Variants in TNR observed in about 807,000 individuals in gnomAD.
TNR encodes tenascin R, also known as tenascin-R.
A neutral mutation model predicts 150.4 loss-of-function variants in TNR; 45 were observed. That is an observed-to-expected ratio of 0.30 (90% CI 0.24 to 0.38). The LOEUF (loss-of-function observed/expected upper bound fraction) is 0.38. Ranked by LOEUF, TNR falls within the 10% of genes least tolerant of loss-of-function variation. The pLI is 1.00. For synonymous variants in TNR, 687 were observed against 678.4 expected (o/e 1.01, Z -0.20); for missense variants, 1,544 against 1,759.1 (o/e 0.88, Z 2.19).
chr1:175,644,223 C>T (rs1470925733), intron 1 of TNR, among the ~76,000 whole-genome samples: 1 of 152,204 alleles, frequency 6.6e-6, no homozygotes, highest in African/African-American at 2.4e-5. Context: ...GACACATTGT[C>T]CAACAGCACG....
intron 3 of TNR, among the ~76,000 whole-genome samples, chr1:175,404,832 T>C (rs1310301217): frequency 6.6e-6 from 1 of 152,256 alleles, no homozygotes; most frequent in Non-Finnish European, 1.5e-5. Flanking sequence ...CTGACCATTG[T>C]CATTGAAGCA....
intron 2 of TNR, among the ~76,000 whole-genome samples, chr1:175,497,769 A>T (rs1658548866): frequency 2.0e-5 from 3 of 152,086 alleles, no homozygotes; most frequent in Admixed American, 2.0e-4. Flanking sequence ...CTTATGTTAA[A>T]CACCTCCTGG....
chr1:175,538,944 T>C (rs1479214532), intron 1 of TNR: 1 of 152,264 alleles, frequency 6.6e-6, no homozygotes, highest in Non-Finnish European at 1.5e-5. Context: ...TGGTGGATTT[T>C]CAGGACAAGG....
At chr1:175,588,870 G>C (rs888828402) in intron 1 of TNR, among the ~76,000 whole-genome samples, 15 of 152,130 alleles carry the variant, frequency 9.9e-5, no homozygotes, top group Non-Finnish European at 1.8e-4. Context: ...CCTCTCCCAT[G>C]AGCCCACAGT....
rs767311966 is a variant in TNR, at chr1:175,365,073, C to T, written c.2524G>A (p.Val842Met). 1.2e-6 allele frequency: 2 copies of T among 1,614,116 alleles called. No individual in the cohort carries two copies. Among genetic ancestry groups the T allele is most frequent in the East Asian group, 4.5e-5 (2 of 44,870 alleles). ...MGLQPATEYI[V>M]NLVAVHGTVT... ...GTGCCATGGACAGCCACAAGGTTCA[C>T]AATATACTCTGTGGCTGGTTGCAGG... The change falls in exon 12 of 23, where the codon GTG (valine) becomes ATG (methionine). Residue 842 changes from valine (V) to methionine (M), a missense_variant. This residue lies in a region of TNR where 1,254 missense variants were observed against 1,329.4 expected (regional missense o/e 0.94). Transcript: ENST00000367674.
At chr1:175,614,452 T>G (rs1179951318) in intron 1 of TNR, among the ~76,000 whole-genome samples, 1 of 152,202 alleles carries the variant, frequency 6.6e-6, no homozygotes, top group Admixed American at 6.5e-5. Flanking sequence ...AGCAGACACT[T>G]AAGAGAAGTC....
intron 9 of TNR, 113 bp from the exon 10 acceptor site, chr1:175,367,410 C>T: frequency 1.2e-6 from 1 of 816,256 alleles, no homozygotes; most frequent in Non-Finnish European, 2.0e-6. Context: ...GTTTAGTCCT[C>T]CTTGAATCCT....
At chr1:175,702,137 CT>C (rs1165614959) in intron 1 of TNR, among the ~76,000 whole-genome samples, 2 of 152,156 alleles carry the variant, frequency 1.3e-5, no homozygotes, top group Admixed American at 1.3e-4. Context: ...CTAAGGGTGA[CT>C]CTGAGACACA....
chr1:175,711,529 G>A (rs564856868), intron 1 of TNR, among the ~76,000 whole-genome samples: 1 of 152,198 alleles, frequency 6.6e-6, no homozygotes, highest in South Asian at 2.1e-4. Flanking sequence ...GGGCAGGGGA[G>A]TGATTTAACT....
intron 2 of TNR, among the ~76,000 whole-genome samples, chr1:175,443,894 T>C (rs988691722): frequency 6.6e-6 from 1 of 152,186 alleles, no homozygotes; most frequent in Non-Finnish European, 1.5e-5. Flanking sequence ...AATGCTCTGG[T>C]TAGGGGTTGA....
chr1:175,399,105 A>G (rs1366092668), intron 4 of TNR, among the ~76,000 whole-genome samples: 5 of 152,228 alleles, frequency 3.3e-5, no homozygotes, highest in Non-Finnish European at 7.3e-5. Context: ...ATTAGGAATA[A>G]TTCAGACGAT....
chr1:175,603,373 C>T (rs1331410916), intron 1 of TNR, among the ~76,000 whole-genome samples: 1 of 152,146 alleles, frequency 6.6e-6, no homozygotes, highest in Non-Finnish European at 1.5e-5. Flanking sequence ...AGTAAGGGGT[C>T]AGTAAGAATT....
chr1:175,667,213 CTG>C (rs1665555449), intron 1 of TNR, among the ~76,000 whole-genome samples: 2 of 152,188 alleles, frequency 1.3e-5, no homozygotes, highest in Non-Finnish European at 2.9e-5. Flanking sequence ...TCTCCATCCT[CTG>C]TGCTCTCCCC....
At chr1:175,325,232 T>A (rs1013351102) in intron 21 of TNR, among the ~76,000 whole-genome samples, 1 of 152,068 alleles carries the variant, frequency 6.6e-6, no homozygotes, top group Non-Finnish European at 1.5e-5. Context: ...TAGGTGGAGA[T>A]GAAGACATTT....
chr1:175,448,987 C>A (rs1244551265), intron 2 of TNR, among the ~76,000 whole-genome samples: 2 of 152,188 alleles, frequency 1.3e-5, no homozygotes, highest in Admixed American at 1.3e-4. Context: ...CAATCTAACA[C>A]GATTATTTTT....
chr1:175,361,325 A>C (rs1258396615), intron 14 of TNR, among the ~76,000 whole-genome samples: 2 of 152,122 alleles, frequency 1.3e-5, no homozygotes, highest in Non-Finnish European at 2.9e-5. Context: ...AAAAAGGCTA[A>C]TTTCTTTAAT....
chr1:175,419,683 T>C (rs1285560987), intron 2 of TNR, among the ~76,000 whole-genome samples: 2 of 152,142 alleles, frequency 1.3e-5, no homozygotes, highest in African/African-American at 4.8e-5. Flanking sequence ...GGTTTCACCA[T>C]GTTGGCCAAG....
intron 2 of TNR, among the ~76,000 whole-genome samples, chr1:175,447,352 C>A (rs1474248764): frequency 6.6e-6 from 1 of 152,156 alleles, no homozygotes; most frequent in Non-Finnish European, 1.5e-5. Context: ...CCCCACTCCT[C>A]CTTCTCTGAT....
chr1:175,582,376 G>A (rs988829123), intron 1 of TNR, among the ~76,000 whole-genome samples: 4 of 152,184 alleles, frequency 2.6e-5, no homozygotes, highest in African/African-American at 9.7e-5. Context: ...AAAGGCTGAA[G>A]GACTCAAGCA....
Sources: allele counts gnomAD v4.1 joint callset (sites outside exome capture counted in the v4.1 genomes callset), GRCh38; gene constraint gnomAD v4.1.1; regional missense constraint gnomAD v4.1.1; transcripts MANE v1.5; gene names NCBI Gene and HGNC (gene_info 2026-07-23, HGNC 2026-07-21).